CLEC16A: variants seen among roughly 807,000 people sequenced by gnomAD.
CLEC16A encodes the protein C-type lectin domain containing 16A.
Under a neutral mutation model 109.5 loss-of-function variants are expected in CLEC16A, and 51 were observed. That is an observed-to-expected ratio of 0.47 (90% CI 0.37 to 0.59). The LOEUF (loss-of-function observed/expected upper bound fraction) is 0.59, where lower values mean the gene tolerates loss of function less well. Among genes scored for constraint, CLEC16A ranks in the 20% least tolerant of loss-of-function variants. The pLI, the probability that CLEC16A is intolerant of heterozygous loss-of-function variation, is 0.00. For synonymous variants in CLEC16A, 673 were observed against 564.2 expected, an observed-to-expected ratio of 1.19 and a Z score of -2.73; for missense variants, 1,339 against 1,394.0, an observed-to-expected ratio of 0.96 and a Z score of 0.63.
chr16:11,003,743 TTTATCC>T (rs2044812579), intron 11 of CLEC16A, among the ~76,000 whole-genome samples: 1 of 152,178 alleles, frequency 6.6e-6, no homozygotes, highest in Admixed American at 6.5e-5. Context: ...TATTATTATC[TTTATCC>T]TTATTACTGA....
intron 19 of CLEC16A, among the ~76,000 whole-genome samples, chr16:11,115,762 A>G (rs2051941961): frequency 6.6e-6 from 1 of 152,182 alleles, no homozygotes; most frequent in Admixed American, 6.5e-5. Context: ...TTTTTTAATA[A>G]TGTAGAAGAC....
At chr16:10,983,142 T>A (rs1440671546) in intron 10 of CLEC16A, among the ~76,000 whole-genome samples, 151 bp downstream of exon 10, 1 of 152,100 alleles carries the variant, frequency 6.6e-6, no homozygotes, top group Non-Finnish European at 1.5e-5. Flanking sequence ...CTAATCAGAG[T>A]CTTGATTGCA....
At chr16:10,982,852 A>T (rs758556539) in intron 9 of CLEC16A, 26 bp from the exon 10 acceptor site, 10 of 1,361,534 alleles carry the variant, frequency 7.3e-6, no homozygotes, top group Non-Finnish European at 9.5e-6. Flanking sequence ...CTTTCATGCA[A>T]ATCCCGTTTC....
At chr16:10,977,464 G>T in intron 8 of CLEC16A, 65 bp downstream of exon 8, 10 of 1,399,274 alleles carry the variant, frequency 7.1e-6, no homozygotes, top group Non-Finnish European at 8.9e-6. Flanking sequence ...ACAGTCCCCA[G>T]TCCCCTGGAA....
intron 19 of CLEC16A, among the ~76,000 whole-genome samples, chr16:11,070,225 C>T (rs2048994062): frequency 6.6e-6 from 1 of 152,188 alleles, no homozygotes; most frequent in Non-Finnish European, 1.5e-5. Flanking sequence ...CGCGTGCCAC[C>T]ACGCCCAGCT....
At chr16:11,105,357 G>A (rs1463208827) in intron 19 of CLEC16A, among the ~76,000 whole-genome samples, 1 of 152,194 alleles carries the variant, frequency 6.6e-6, no homozygotes, top group African/African-American at 2.4e-5. Context: ...GAGGAACAAG[G>A]AGTGAAGCTT....
chr16:11,075,252 C>T (rs758641610), intron 19 of CLEC16A, among the ~76,000 whole-genome samples: 1 of 152,170 alleles, frequency 6.6e-6, no homozygotes, highest in Non-Finnish European at 1.5e-5. Flanking sequence ...GCAGTAACTT[C>T]CGAGGCACAT....
intron 19 of CLEC16A, among the ~76,000 whole-genome samples, chr16:11,085,356 G>A (rs963866942): frequency 2.0e-5 from 3 of 152,262 alleles, no homozygotes; most frequent in Non-Finnish European, 4.4e-5. Flanking sequence ...GAAGGAGAAA[G>A]CACGCTTGCT....
At chr16:11,007,905 T>G (rs916585836) in intron 11 of CLEC16A, among the ~76,000 whole-genome samples, 2 of 152,138 alleles carry the variant, frequency 1.3e-5, no homozygotes, top group South Asian at 4.1e-4. Context: ...TGTCAGGTTT[T>G]CAGATGGGCT....
chr16:10,982,928 C>T lies in CLEC16A; in HGVS notation c.1008C>T (p.Val336=), dbSNP rs1296157762. ...HAPLVNSLAE[V]ILNGDLSEMY... ...CGCTGGTGAACTCGTTAGCTGAAGTCATTCTGAATGGTGATCTGTCTGAGA... is the reference window on the plus strand; with the variant it reads ...CGCTGGTGAACTCGTTAGCTGAAGTTATTCTGAATGGTGATCTGTCTGAGA... Residue 336 remains valine (V), a synonymous_variant, in exon 10 of 24, where the codon GTC becomes GTT. Transcript: ENST00000409790. 1 of 1,613,192 alleles carries T rather than the reference C, an allele frequency of 6.2e-7. No homozygotes were observed. The highest frequency in any genetic ancestry group is 8.5e-7 in the Non-Finnish European group (1 of 1,179,204).
chr16:11,116,350 G>C (rs149825766), intron 19 of CLEC16A, among the ~76,000 whole-genome samples: 166 of 152,098 alleles, frequency 1.1e-3, no homozygotes, highest in African/African-American at 3.9e-3. Flanking sequence ...AGCTGAGATT[G>C]TGCCACTGTA....
chr16:10,994,474 G>T (rs1357482525), intron 10 of CLEC16A, among the ~76,000 whole-genome samples: 1 of 152,194 alleles, frequency 6.6e-6, no homozygotes, highest in Non-Finnish European at 1.5e-5. Context: ...TTTTCAGCCA[G>T]TGGCCAAGCC....
intron 19 of CLEC16A, among the ~76,000 whole-genome samples, chr16:11,086,442 TA>T (rs1457563458): frequency 6.6e-6 from 1 of 152,222 alleles, no homozygotes; most frequent in Non-Finnish European, 1.5e-5. Context: ...TGCTATATGG[TA>T]AGGCTTCGGA....
rs139478664 is a variant in CLEC16A, at chr16:11,051,975, C to G, written c.1995+334C>G. The stretch of plus-strand genomic sequence containing the variant: ...ACCATCGGGGGTGAGCACGGTACAT[C>G]CAGTGCAGGTGAGGTTGGTGTGAAA... On this transcript the variant is annotated intron_variant, in intron 18 of 23. Coordinates refer to ENST00000409790, the MANE Select transcript of CLEC16A (RefSeq NM_015226.3). Among the ~76,000 whole-genome samples, 69 of 152,280 alleles carry G rather than the reference C, an allele frequency of 4.5e-4. 1 individual carries two copies. The East Asian group carries it at 0.012, about 26-fold the overall frequency.
chr16:11,142,730 C>T (rs1354731543), intron 22 of CLEC16A, among the ~76,000 whole-genome samples: 1 of 152,200 alleles, frequency 6.6e-6, no homozygotes, highest in Non-Finnish European at 1.5e-5. Context: ...ACTTCTTTAG[C>T]TTATTGTCTT....
chr16:10,999,518 A>G (rs2044536554), intron 10 of CLEC16A, among the ~76,000 whole-genome samples: 1 of 152,220 alleles, frequency 6.6e-6, no homozygotes, highest in African/African-American at 2.4e-5. Context: ...TAGGAATAAA[A>G]AGGCCCCAGT....
intron 22 of CLEC16A, among the ~76,000 whole-genome samples, chr16:11,152,756 T>C (rs570892774): frequency 6.6e-6 from 1 of 152,256 alleles, no homozygotes; most frequent in Admixed American, 6.5e-5. Context: ...GTTCCCACAA[T>C]CTCGCCAGTC....
chr16:10,971,988 A>C (rs1166160088), intron 5 of CLEC16A, among the ~76,000 whole-genome samples: 2 of 152,002 alleles, frequency 1.3e-5, no homozygotes, highest in Non-Finnish European at 1.5e-5. Context: ...TCAGGGACTC[A>C]CTCCAGCCTA....
At chr16:11,176,010 A>T (rs570543048) in intron 23 of CLEC16A, among the ~76,000 whole-genome samples, 2 of 152,384 alleles carry the variant, frequency 1.3e-5, no homozygotes, top group Non-Finnish European at 2.9e-5. Context: ...AGTCATTTCT[A>T]AACTGCCTCC....
Sources: gnomAD v4.1 joint callset for allele counts (sites outside exome capture counted in the v4.1 genomes callset) on GRCh38, gnomAD v4.1.1 for gene constraint, MANE v1.5 for transcripts, NCBI Gene and HGNC (gene_info 2026-07-23, HGNC 2026-07-21) for gene names.